MTUS2: variants seen among roughly 807,000 people sequenced by gnomAD.
The protein encoded by MTUS2 is microtubule-associated tumor suppressor candidate 2.
In MTUS2, 40 loss-of-function variants were observed where a neutral mutation model predicts 114.1. That is an observed-to-expected ratio of 0.35 (90% CI 0.27 to 0.46). The LOEUF (loss-of-function observed/expected upper bound fraction) is 0.46, where lower values mean the gene tolerates loss of function less well. MTUS2 is among the 20% of genes least tolerant of loss of function. MTUS2 has a pLI of 1.00. For missense variants in MTUS2, 1,679 were observed against 1,705.4 expected (o/e 0.98, Z 0.27); for synonymous variants, 688 against 672.0 (o/e 1.02, Z -0.37).
chr13:29,432,010 A>AT (rs57182093), intron 8 of MTUS2, among the ~76,000 whole-genome samples: 20,515 of 80,794 alleles, frequency 0.25, 2,165 homozygotes, highest in Middle Eastern at 0.35. Context: ...ACGCTCAGCT[A>AT]TTTTTTTTTT....
intron 5 of MTUS2, among the ~76,000 whole-genome samples, chr13:29,237,092 T>C (rs1055563703): frequency 9.2e-5 from 14 of 152,184 alleles, no homozygotes; most frequent in Admixed American, 4.6e-4. Context: ...TTTTTAAAAT[T>C]TCCAGCAGAT....
intron 2 of MTUS2, among the ~76,000 whole-genome samples, chr13:28,915,675 C>A (rs890937429): frequency 5.9e-5 from 9 of 151,742 alleles, no homozygotes; most frequent in African/African-American, 1.9e-4. Flanking sequence ...GTTGTTTGAG[C>A]TCCTTATATA....
At chr13:28,905,460 A>G (rs1303517592) in intron 2 of MTUS2, among the ~76,000 whole-genome samples, 4 of 151,620 alleles carry the variant, frequency 2.6e-5, no homozygotes, top group Non-Finnish European at 4.4e-5. Context: ...AGTTTTTAGC[A>G]TGAAGGTTGT....
chr13:29,258,846 A>T (rs1342327624), intron 5 of MTUS2, among the ~76,000 whole-genome samples: 1 of 152,178 alleles, frequency 6.6e-6, no homozygotes, highest in Admixed American at 6.5e-5. Flanking sequence ...GAAACAAGGA[A>T]GGTTCAGGTT....
intron 5 of MTUS2, among the ~76,000 whole-genome samples, chr13:29,279,783 A>G (rs1335549208): frequency 2.6e-5 from 4 of 152,234 alleles, no homozygotes; most frequent in African/African-American, 9.6e-5. Flanking sequence ...CCAAATCTCT[A>G]AATTGACGTG....
At chr13:29,114,778 C>G (rs1593491605) in intron 5 of MTUS2, among the ~76,000 whole-genome samples, 1 of 152,310 alleles carries the variant, frequency 6.6e-6, no homozygotes, top group East Asian at 1.9e-4. Context: ...CAATGAGGGT[C>G]AGAGCTAACG....
At chr13:28,885,311 A>C (rs1878530160) in intron 2 of MTUS2, among the ~76,000 whole-genome samples, 1 of 152,178 alleles carries the variant, frequency 6.6e-6, no homozygotes, top group South Asian at 2.1e-4. Context: ...AGCAGGGAGG[A>C]GTGGCTGGGC....
At chr13:29,259,074 C>T (rs189684704) in intron 5 of MTUS2, among the ~76,000 whole-genome samples, 2 of 152,228 alleles carry the variant, frequency 1.3e-5, no homozygotes, top group African/African-American at 4.8e-5. Flanking sequence ...CACTTACAAA[C>T]ATTCTTCAAT....
chr13:28,930,496 A>G (rs1470243786), intron 2 of MTUS2, among the ~76,000 whole-genome samples: 1 of 152,176 alleles, frequency 6.6e-6, no homozygotes, highest in Non-Finnish European at 1.5e-5. Context: ...CTTACTGGGT[A>G]GATTTAAATG....
chr13:29,491,819 G>GGT (rs151170147), intron 11 of MTUS2, among the ~76,000 whole-genome samples: 74,108 of 141,714 alleles, frequency 0.52, 20,635 homozygotes, highest in Non-Finnish European at 0.64. Context: ...GTGTGGGGTA[G>GGT]GTGTGTGTGT....
intron 8 of MTUS2, among the ~76,000 whole-genome samples, chr13:29,381,575 T>C (rs1240489371): frequency 6.6e-6 from 1 of 152,194 alleles, no homozygotes; most frequent in African/African-American, 2.4e-5. Flanking sequence ...GGCACTGCCA[T>C]TAGCTTCGAG....
In MTUS2 at chr13:29,063,904, C is replaced by T. The variant is rs142229599; in HGVS notation, c.2446+29779C>T. On this transcript the variant is annotated intron_variant, in intron 4 of 15. Coordinates refer to ENST00000612955, the MANE Select transcript of MTUS2 (RefSeq NM_001033602.4). The stretch of plus-strand genomic sequence containing the variant: ...AGTTTTAATTTTTAACAAATTTAAG[C>T]GGGTGCAGTGGATGTTAACATCAGA... Among the ~76,000 whole-genome samples, 182 of 152,222 alleles carry T rather than the reference C, an allele frequency of 1.2e-3. 2 individuals are homozygous for T. The highest frequency in any genetic ancestry group is 4.2e-3 in the African/African-American group (175 of 41,528).
At chr13:29,022,417 T>G (rs1886330692) in intron 2 of MTUS2, among the ~76,000 whole-genome samples, 1 of 152,202 alleles carries the variant, frequency 6.6e-6, no homozygotes, top group African/African-American at 2.4e-5. Context: ...TTGCCAAGGC[T>G]GACCTCAAGT....
intron 5 of MTUS2, among the ~76,000 whole-genome samples, chr13:29,144,336 T>C (rs1354597691): frequency 6.6e-6 from 1 of 152,070 alleles, no homozygotes; most frequent in Non-Finnish European, 1.5e-5. Flanking sequence ...GCTGGCTGCA[T>C]GCTCATCTGG....
intron 7 of MTUS2, 116 bp downstream of exon 7, chr13:29,324,827 A>G (rs1168454854): frequency 1.3e-6 from 1 of 752,494 alleles, no homozygotes; most frequent in Non-Finnish European, 2.2e-6. Context: ...ATTGTTCCAG[A>G]GCTTGACATA....
At position 29,328,986 on chromosome 13, in the gene MTUS2, C is replaced by T. The variant is rs186827465; in HGVS notation, c.2905+4275C>T. ...ATTTTATGGTTTGTAGGGTGTGACT[C>T]CCCCAGGCCCTTAGATAGGAATTTG... On this transcript the variant is annotated intron_variant, in intron 7 of 15. Transcript: ENST00000612955. Among the ~76,000 whole-genome samples the T allele has an allele frequency of 5.2e-4, 79 of 152,128 alleles. 2 individuals are homozygous for T. The highest frequency in any genetic ancestry group is 4.0e-3 in the Admixed American group (61 of 15,276).
intron 7 of MTUS2, among the ~76,000 whole-genome samples, chr13:29,334,033 T>C (rs967141687): frequency 1.2e-4 from 18 of 152,072 alleles, no homozygotes; most frequent in Non-Finnish European, 2.6e-4. Flanking sequence ...TTTTGTTTTG[T>C]TTTGTTTTTG....
chr13:28,981,359 A>G (rs1030718046), intron 2 of MTUS2, among the ~76,000 whole-genome samples: 1 of 152,212 alleles, frequency 6.6e-6, no homozygotes, highest in African/African-American at 2.4e-5. Context: ...AGGTAAAACT[A>G]TAGAAACAGC....
chr13:29,499,568 A>G (rs1333060912), intron 14 of MTUS2, among the ~76,000 whole-genome samples: 1 of 152,260 alleles, frequency 6.6e-6, no homozygotes, highest in African/African-American at 2.4e-5. Flanking sequence ...ACTTTCCAGA[A>G]CTTTTTCTCT....
Sources: gnomAD v4.1 joint callset for allele counts (sites outside exome capture counted in the v4.1 genomes callset) on GRCh38, gnomAD v4.1.1 for gene constraint, MANE v1.5 for transcripts, NCBI Gene and HGNC (gene_info 2026-07-23, HGNC 2026-07-21) for gene names.